Variants in TENM3 observed in about 807,000 individuals in gnomAD.
TENM3 encodes the protein teneurin transmembrane protein 3, also known as teneurin-3.
In TENM3, 63 loss-of-function variants were observed where a neutral mutation model predicts 255.1. The ratio of observed to expected loss-of-function variants is 0.25; its 90% CI spans 0.20 to 0.30. The LOEUF is 0.30. Ranked by LOEUF, TENM3 falls within the 10% of genes least tolerant of loss-of-function variation. TENM3 has a pLI of 1.00. For missense variants in TENM3, 2,929 were observed against 3,461.1 expected (o/e 0.85, Z 3.86); for synonymous variants, 1,306 against 1,322.3 (o/e 0.99, Z 0.27).
At chr4:182,643,193 T>C (rs1752461891) in intron 5 of TENM3, among the ~76,000 whole-genome samples, 2 of 152,222 alleles carry the variant, frequency 1.3e-5, no homozygotes, top group Non-Finnish European at 2.9e-5. Context: ...TCTTATTTTT[T>C]TCTGTGAAAT....
intron 3 of TENM3, among the ~76,000 whole-genome samples, chr4:182,569,103 T>C (rs1224340511): frequency 2.0e-5 from 3 of 152,196 alleles, no homozygotes; most frequent in Non-Finnish European, 4.4e-5. Context: ...GTCAAATTTG[T>C]CAAACTGAAC....
the TENM3 span, among the ~76,000 whole-genome samples, chr4:182,037,720 G>A: frequency 6.6e-6 from 1 of 152,324 alleles, no homozygotes; most frequent in Non-Finnish European, 1.5e-5. Flanking sequence ...TACACAGGAA[G>A]CATCGGCATC....
the TENM3 span, among the ~76,000 whole-genome samples, chr4:181,797,963 G>A: frequency 6.6e-6 from 1 of 152,164 alleles, no homozygotes; most frequent in Non-Finnish European, 1.5e-5. Flanking sequence ...GAAGTGGGGG[G>A]AATGGATGAT....
intron 1 of TENM3, among the ~76,000 whole-genome samples, chr4:182,206,284 T>G (rs2726804): frequency 2.7e-3 from 404 of 152,252 alleles, no homozygotes; most frequent in African/African-American, 9.2e-3. Context: ...GTCAGATTTG[T>G]TTTCCTGTTT....
At chr4:181,499,614 C>T in the TENM3 span, among the ~76,000 whole-genome samples, 1 of 152,100 alleles carries the variant, frequency 6.6e-6, no homozygotes, top group Admixed American at 6.6e-5. Flanking sequence ...TAAACAGCCA[C>T]CAAAGAGTGC....
rs531822573 is a variant in TENM3, at chr4:182,350,011, G to A, written c.511+3082G>A. 21 of 143,788 alleles carry A rather than the reference G, an allele frequency of 1.5e-4. 1 individual carries two copies. In the South Asian group the frequency reaches 3.7e-3, roughly 25 times the overall value. The allele number at this position is 143,788 out of a possible 1,614,324, so 8.9% of individuals were successfully genotyped here. ...ACTGTTTTCTTCATTTGAAATAACTGTGAATGAGGCTGTTTTTCCCAGAAA... is the reference window on the plus strand; with the variant it reads ...ACTGTTTTCTTCATTTGAAATAACTATGAATGAGGCTGTTTTTCCCAGAAA... On this transcript the variant is annotated intron_variant, in intron 3 of 27. Transcript: ENST00000511685.
At chr4:182,451,446 A>G (rs1580593528) in intron 3 of TENM3, among the ~76,000 whole-genome samples, 1 of 152,062 alleles carries the variant, frequency 6.6e-6, no homozygotes, top group Non-Finnish European at 1.5e-5. Flanking sequence ...ACATATTTTT[A>G]CTTGGTTAAA....
chr4:182,566,782 T>A (rs1192663397), intron 3 of TENM3, among the ~76,000 whole-genome samples: 1 of 152,210 alleles, frequency 6.6e-6, no homozygotes, highest in East Asian at 1.9e-4. Flanking sequence ...CTAAAGCTGT[T>A]TTCACAAGTA....
intron 7 of TENM3, among the ~76,000 whole-genome samples, chr4:182,677,215 T>C (rs1021772876): frequency 1.3e-5 from 2 of 152,200 alleles, no homozygotes; most frequent in Admixed American, 6.5e-5. Context: ...GAAACACTTC[T>C]GCAGATGAGC....
chr4:182,206,674 A>G (rs1005236183), intron 1 of TENM3, among the ~76,000 whole-genome samples: 1 of 152,168 alleles, frequency 6.6e-6, no homozygotes, highest in Non-Finnish European at 1.5e-5. Context: ...GTGCTAAAAA[A>G]TAAGGTGGTT....
chr4:181,888,516 G>GTATA, the TENM3 span, among the ~76,000 whole-genome samples: 41 of 41,504 alleles, frequency 9.9e-4, no homozygotes, highest in African/African-American at 3.2e-3. Flanking sequence ...ATATATATAT[G>GTATA]TATATATATA....
intron 6 of TENM3, among the ~76,000 whole-genome samples, chr4:182,658,924 C>G (rs1235162077): frequency 2.6e-5 from 4 of 152,188 alleles, no homozygotes; most frequent in Non-Finnish European, 5.9e-5. Flanking sequence ...GCAGCTGGTT[C>G]TGAAGAGGAA....
the TENM3 span, among the ~76,000 whole-genome samples, chr4:181,702,924 G>GA: frequency 1.8e-4 from 27 of 151,780 alleles, no homozygotes; most frequent in African/African-American, 4.4e-4. Flanking sequence ...TGGCCAGTAT[G>GA]AAAAAAAAGC....
intron 1 of TENM3, among the ~76,000 whole-genome samples, chr4:182,210,169 G>A (rs756390482): frequency 3.9e-5 from 6 of 152,040 alleles, no homozygotes; most frequent in African/African-American, 9.7e-5. Flanking sequence ...ACCCTCGGGC[G>A]GATGGACGGT....
chr4:181,899,538 TG>T, the TENM3 span, among the ~76,000 whole-genome samples: 1 of 151,812 alleles, frequency 6.6e-6, no homozygotes, highest in African/African-American at 2.4e-5. Context: ...GTTGTTTTGT[TG>T]TTTTGTTTTT....
chr4:181,734,234 G>T, the TENM3 span, among the ~76,000 whole-genome samples: 1 of 151,924 alleles, frequency 6.6e-6, no homozygotes, highest in African/African-American at 2.4e-5. Context: ...AATGCTTTGA[G>T]GTCTTAGGTA....
At chr4:182,360,865 G>A (rs909617630) in intron 3 of TENM3, among the ~76,000 whole-genome samples, 1 of 152,152 alleles carries the variant, frequency 6.6e-6, no homozygotes, top group African/African-American at 2.4e-5. Context: ...GGTACTAGTT[G>A]TTCCTTTCCA....
intron 22 of TENM3, among the ~76,000 whole-genome samples, chr4:182,760,089 A>G (rs1019025347): frequency 6.6e-6 from 1 of 152,116 alleles, no homozygotes; most frequent in Admixed American, 6.5e-5. Context: ...CTCCTCTTCC[A>G]TTGACTTGCT....
the TENM3 span, among the ~76,000 whole-genome samples, chr4:181,953,639 C>T: frequency 6.6e-6 from 1 of 151,784 alleles, no homozygotes; most frequent in Admixed American, 6.6e-5. Context: ...AAGATTGCGC[C>T]ACTGCACTCC....
Sources: gnomAD v4.1 joint callset for allele counts (sites outside exome capture counted in the v4.1 genomes callset) on GRCh38, gnomAD v4.1.1 for gene constraint, MANE v1.5 for transcripts, NCBI Gene and HGNC (gene_info 2026-07-23, HGNC 2026-07-21) for gene names.